Variants in PCDHA7 observed in about 807,000 individuals in gnomAD.
PCDHA7 encodes the protein protocadherin alpha-7.
PCDHA7 carries 37 observed loss-of-function variants against 57.2 expected under a neutral mutation model. The observed-to-expected ratio is 0.65, with a 90% CI of 0.50 to 0.85. The LOEUF (loss-of-function observed/expected upper bound fraction) is 0.85, where lower values mean the gene tolerates loss of function less well. Among genes scored for constraint, PCDHA7 ranks in the 40% least tolerant of loss-of-function variants. PCDHA7 has a pLI of 0.00. For synonymous variants in PCDHA7, 553 were observed against 558.8 expected (o/e 0.99, Z 0.15); for missense variants, 1,188 against 1,241.8 (o/e 0.96, Z 0.65).
chr5:140,980,734 T>C (rs2096903764), intron 2 of PCDHA7, among the ~76,000 whole-genome samples: 3 of 151,998 alleles, frequency 2.0e-5, no homozygotes, highest in African/African-American at 4.8e-5. Context: ...TAAGATATTA[T>C]GAGATTTGAG....
intron 1 of PCDHA7, chr5:140,854,326 T>G (rs1243654252): frequency 4.3e-6 from 1 of 230,654 alleles, no homozygotes; most frequent in East Asian, 1.8e-4. Context: ...AATGGCAAAC[T>G]TATTTTACGC....
At chr5:140,874,386 G>A (rs2054873500) in intron 1 of PCDHA7, among the ~76,000 whole-genome samples, 1 of 152,082 alleles carries the variant, frequency 6.6e-6, no homozygotes. Context: ...GTCTTTTGAT[G>A]CCCCCTTGCA....
intron 1 of PCDHA7, chr5:140,857,099 G>C (rs2044359336): frequency 1.9e-6 from 3 of 1,597,240 alleles, no homozygotes; most frequent in Non-Finnish European, 2.6e-6. Context: ...TGAGGTGATT[G>C]TCACTTCTCT....
intron 1 of PCDHA7, among the ~76,000 whole-genome samples, chr5:140,943,997 T>C (rs1387803558): frequency 2.0e-5 from 3 of 152,178 alleles, no homozygotes; most frequent in African/African-American, 7.2e-5. Flanking sequence ...ACAGAACTAC[T>C]GAGTACCCCC....
intron 1 of PCDHA7, among the ~76,000 whole-genome samples, chr5:140,934,486 A>G (rs1243287097): frequency 6.6e-6 from 1 of 152,124 alleles, no homozygotes; most frequent in East Asian, 1.9e-4. Context: ...AATTATATTC[A>G]CCTCATAAAC....
chr5:140,857,730 C>A (rs782671299), intron 1 of PCDHA7: 1 of 1,597,474 alleles, frequency 6.3e-7, no homozygotes, highest in Admixed American at 1.7e-5. Context: ...AACGACAACG[C>A]TCCCGCGCTG....
chr5:140,993,462 TCACACACACACACACA>T (rs3836747), intron 3 of PCDHA7, among the ~76,000 whole-genome samples: 191 of 141,044 alleles, frequency 1.4e-3, no homozygotes, highest in African/African-American at 3.8e-3. Context: ...TCTTTCTTTC[TCACACACACACACACA>T]CACACACACA....
chr5:140,946,092 G>A (rs985293430), intron 1 of PCDHA7, among the ~76,000 whole-genome samples: 2 of 151,914 alleles, frequency 1.3e-5, no homozygotes, highest in Non-Finnish European at 2.9e-5. Flanking sequence ...CTGATAAGGA[G>A]TTAACATACC....
intron 1 of PCDHA7, chr5:140,877,942 C>T: frequency 7.3e-7 from 1 of 1,367,876 alleles, no homozygotes; most frequent in Admixed American, 3.1e-5. Flanking sequence ...ATCCTTTAAA[C>T]TATCGAATGT....
intron 1 of PCDHA7, among the ~76,000 whole-genome samples, chr5:140,944,008 C>T (rs1253527034): frequency 1.3e-5 from 2 of 152,054 alleles, no homozygotes; most frequent in Non-Finnish European, 2.9e-5. Context: ...GAGTACCCCC[C>T]AAAAGCAATT....
Position 140,857,655 on chromosome 5 carries a change from C to G in PCDHA7, c.2355+20917C>G, listed in dbSNP as rs782490979. 3.1e-6 allele frequency: 5 copies of G among 1,596,614 alleles called. No homozygotes were observed. The Admixed American group carries it at 6.7e-5, about 22-fold the overall frequency. ...GAGCTGCTACAGTTCCAGGTGAGCG[C>G]GCGCGATGGGGGCGTGCCGCCTCTG... On this transcript the variant is annotated intron_variant, in intron 1 of 3. Transcript: ENST00000525929.
At chr5:140,856,855 T>C in intron 1 of PCDHA7, 3 of 1,594,310 alleles carry the variant, frequency 1.9e-6, no homozygotes, top group Middle Eastern at 1.7e-4. Context: ...CTGATTCGGA[T>C]GAAGGAATAA....
chr5:140,875,261 G>A lies in PCDHA7; in HGVS notation c.2355+38523G>A. ...CTTACATAATCAGTCACATGATGTC[G>A]CTCTACACTCAGAAGGTGAAACAGG... On this transcript the variant is annotated intron_variant, in intron 1 of 3. Transcript: ENST00000525929. 4.4e-6 allele frequency: 5 copies of A among 1,130,464 alleles called. No individual in the cohort carries two copies. In the South Asian group the frequency reaches 7.4e-5, roughly 17 times the overall value. 70.0% of individuals were successfully genotyped at this position (1,130,464 alleles called of 1,614,324 possible).
intron 1 of PCDHA7, among the ~76,000 whole-genome samples, chr5:140,924,635 C>G (rs2081927697): frequency 6.6e-6 from 1 of 152,108 alleles, no homozygotes; most frequent in Non-Finnish European, 1.5e-5. Context: ...GGGCTCACAC[C>G]TGTAATCCCA....
At chr5:140,932,247 G>A (rs1463272112) in intron 1 of PCDHA7, among the ~76,000 whole-genome samples, 2 of 151,822 alleles carry the variant, frequency 1.3e-5, no homozygotes, top group Non-Finnish European at 3.0e-5. Context: ...ATCTAAGAGG[G>A]TACCTCTGAG....
At chr5:140,895,116 T>C (rs2064856298) in intron 1 of PCDHA7, among the ~76,000 whole-genome samples, 1 of 152,182 alleles carries the variant, frequency 6.6e-6, no homozygotes, top group African/African-American at 2.4e-5. Flanking sequence ...AAGAAGACAT[T>C]TGTTAGTTGA....
At chr5:140,915,753 G>A (rs1196952771) in intron 1 of PCDHA7, among the ~76,000 whole-genome samples, 1 of 151,952 alleles carries the variant, frequency 6.6e-6, no homozygotes, top group Non-Finnish European at 1.5e-5. Context: ...AGCCAGCACA[G>A]CCCTGGGTCT....
chr5:140,837,199 TTAGTC>T (rs1774954755), intron 1 of PCDHA7: 1 of 152,580 alleles, frequency 6.6e-6, no homozygotes, highest in Non-Finnish European at 1.5e-5. Flanking sequence ...CTTTTTATCT[TTAGTC>T]TAGAACTTGA....
intron 1 of PCDHA7, among the ~76,000 whole-genome samples, chr5:140,879,880 C>T (rs1162426271): frequency 6.6e-6 from 1 of 152,172 alleles, no homozygotes; most frequent in Admixed American, 6.5e-5. Flanking sequence ...GGTCACATTG[C>T]CTCCTCCTCT....
Sources: allele counts gnomAD v4.1 joint callset (sites outside exome capture counted in the v4.1 genomes callset), GRCh38; gene constraint gnomAD v4.1.1; transcripts MANE v1.5; gene names NCBI Gene and HGNC (gene_info 2026-07-23, HGNC 2026-07-21).